Variants in TNKS observed in about 807,000 individuals in gnomAD.
The protein encoded by TNKS is poly [ADP-ribose] polymerase tankyrase-1.
A neutral mutation model predicts 135.8 loss-of-function variants in TNKS; 72 were observed. The ratio of observed to expected loss-of-function variants is 0.53; its 90% CI spans 0.44 to 0.64. The LOEUF is 0.64. Ranked by LOEUF, TNKS falls within the 30% of genes least tolerant of loss-of-function variation. The pLI is 0.00. For missense variants in TNKS, 1,769 were observed against 1,674.0 expected, an observed-to-expected ratio of 1.06 and a Z score of -0.99; for synonymous variants, 849 against 649.3, an observed-to-expected ratio of 1.31 and a Z score of -4.68.
In TNKS at chr8:9,613,892, T is replaced by C. The variant is rs376677891; in HGVS notation, c.899-1690T>C. 2.4e-4 allele frequency among the ~76,000 whole-genome samples: 37 copies of C among 152,322 alleles called. 1 individual carries two copies. In the East Asian group the frequency reaches 4.1e-3, roughly 17 times the overall value. On this transcript the variant is annotated intron_variant, in intron 2 of 26. Coordinates refer to ENST00000310430, the MANE Select transcript of TNKS (RefSeq NM_003747.3). ...TCATTAAAAACTACAAAATGAAAGC[T>C]CCCATCATTTAACTGTCAAACTCAG... is the stretch of plus-strand genomic sequence containing the variant.
intron 3 of TNKS, among the ~76,000 whole-genome samples, chr8:9,638,087 G>C (rs1346374088): frequency 1.3e-5 from 2 of 152,236 alleles, no homozygotes; most frequent in East Asian, 3.9e-4. Flanking sequence ...TCCCACCTCA[G>C]CCTCCCAAAC....
chr8:9,755,073 T>G (rs73662514), intron 20 of TNKS, among the ~76,000 whole-genome samples: 162 of 152,310 alleles, frequency 1.1e-3, no homozygotes, highest in African/African-American at 3.7e-3. Context: ...CTCAAACAAA[T>G]AATTCCAATT....
intron 3 of TNKS, among the ~76,000 whole-genome samples, chr8:9,616,207 C>T (rs920187172): frequency 6.6e-6 from 1 of 152,114 alleles, no homozygotes; most frequent in African/African-American, 2.4e-5. Flanking sequence ...CTTTTTACTT[C>T]AGATAATGCA....
At chr8:9,596,725 TC>T (rs1160796825) in intron 2 of TNKS, among the ~76,000 whole-genome samples, 1 of 152,224 alleles carries the variant, frequency 6.6e-6, no homozygotes, top group African/African-American at 2.4e-5. Context: ...CCTGAAAATT[TC>T]TAAATTTACT....
chr8:9,567,608 G>A (rs1797595859), intron 1 of TNKS, among the ~76,000 whole-genome samples: 1 of 152,096 alleles, frequency 6.6e-6, no homozygotes, highest in Non-Finnish European at 1.5e-5. Flanking sequence ...TAGTAGAGAC[G>A]GGGTTTCACC....
chr8:9,769,541 A>G (rs1304721221), intron 25 of TNKS, among the ~76,000 whole-genome samples: 1 of 149,382 alleles, frequency 6.7e-6, no homozygotes, highest in Non-Finnish European at 1.5e-5. Flanking sequence ...CTACCCATCC[A>G]TGCAAGGGCT....
intron 11 of TNKS, among the ~76,000 whole-genome samples, chr8:9,716,217 C>G (rs1356349552): frequency 6.6e-6 from 1 of 152,048 alleles, no homozygotes. Flanking sequence ...GAAGCGATCA[C>G]GAGTCTTTGC....
intron 1 of TNKS, among the ~76,000 whole-genome samples, chr8:9,571,574 C>G (rs1190901908): frequency 6.6e-6 from 1 of 152,178 alleles, no homozygotes; most frequent in Non-Finnish European, 1.5e-5. Flanking sequence ...TCTCCTGCCT[C>G]AGCCTCCCAA....
chr8:9,574,619 A>C (rs1485942485), intron 1 of TNKS, among the ~76,000 whole-genome samples: 1 of 152,190 alleles, frequency 6.6e-6, no homozygotes, highest in African/African-American at 2.4e-5. Context: ...CTTACCCTTG[A>C]CTTACAAAGT....
chr8:9,567,089 C>T (rs1411827112), intron 1 of TNKS, among the ~76,000 whole-genome samples: 1 of 152,146 alleles, frequency 6.6e-6, no homozygotes, highest in African/African-American at 2.4e-5. Flanking sequence ...ACGATTCTTA[C>T]TGCTTTCTCA....
chr8:9,688,653 C>G (rs111720161), intron 5 of TNKS, among the ~76,000 whole-genome samples: 1 of 151,666 alleles, frequency 6.6e-6, no homozygotes, highest in Non-Finnish European at 1.5e-5. Flanking sequence ...TTCTTTTTTT[C>G]TTTTGAGACA....
intron 2 of TNKS, among the ~76,000 whole-genome samples, chr8:9,595,221 A>G (rs1798734074): frequency 6.6e-6 from 1 of 151,912 alleles, no homozygotes; most frequent in Non-Finnish European, 1.5e-5. Flanking sequence ...CCCAGGTTCA[A>G]GCAATTCTCC....
intron 5 of TNKS, among the ~76,000 whole-genome samples, chr8:9,682,820 TATTA>T (rs55848534): frequency 0.62 from 93,771 of 150,916 alleles, 29,503 homozygotes; most frequent in Middle Eastern, 0.72. Context: ...AATATTATTA[TATTA>T]ATTTATTTTG....
intron 1 of TNKS, among the ~76,000 whole-genome samples, chr8:9,563,950 A>G (rs1797430313): frequency 6.6e-6 from 1 of 152,152 alleles, no homozygotes; most frequent in South Asian, 2.1e-4. Context: ...AGTTAAGGTA[A>G]TCCCCCCTGT....
Position 9,642,204 on chromosome 8 carries a change from T to C in TNKS, c.994+26527T>C, listed in dbSNP as rs1253054766. 4.8e-5 allele frequency among the ~76,000 whole-genome samples: 7 copies of C among 146,414 alleles called. 2 individuals carry two copies. The highest frequency in any genetic ancestry group is 1.0e-4 in the Non-Finnish European group (7 of 66,746). ...TTATTTGCAGACGCCATTATACAAA[T>C]GGCTGATTCTATCAATTAAACCACA... On this transcript the variant is annotated intron_variant, in intron 3 of 26. Coordinates refer to ENST00000310430, the MANE Select transcript of TNKS (RefSeq NM_003747.3).
chr8:9,581,084 G>A (rs1265338267), intron 2 of TNKS, among the ~76,000 whole-genome samples: 2 of 152,074 alleles, frequency 1.3e-5, no homozygotes, highest in African/African-American at 4.8e-5. Context: ...ATGGATGTTT[G>A]TTTAGCCATG....
At chr8:9,643,867 AC>A in intron 3 of TNKS, among the ~76,000 whole-genome samples, 1 of 152,320 alleles carries the variant, frequency 6.6e-6, no homozygotes, top group Non-Finnish European at 1.5e-5. Context: ...GGTAAAAGCA[AC>A]CCAGGTGTCC....
intron 2 of TNKS, among the ~76,000 whole-genome samples, chr8:9,607,009 G>C (rs995969947): frequency 6.6e-6 from 1 of 152,024 alleles, no homozygotes; most frequent in African/African-American, 2.4e-5. Flanking sequence ...GTCTAGACTA[G>C]GGCTTATTCT....
At chr8:9,681,336 C>G (rs1295770878) in intron 5 of TNKS, among the ~76,000 whole-genome samples, 1 of 152,008 alleles carries the variant, frequency 6.6e-6, no homozygotes, top group East Asian at 1.9e-4. Context: ...TAGATTAAAA[C>G]AGAGAGGAAT....
Sources: gnomAD v4.1 joint callset for allele counts (sites outside exome capture counted in the v4.1 genomes callset) on GRCh38, gnomAD v4.1.1 for gene constraint, MANE v1.5 for transcripts, NCBI Gene and HGNC (gene_info 2026-07-23, HGNC 2026-07-21) for gene names.